The following LRP4 variants were observed in gnomAD, a reference collection of about 807,000 sequenced individuals.
LRP4 encodes low-density lipoprotein receptor-related protein 4.
Under a neutral mutation model 220.3 loss-of-function variants are expected in LRP4, and 95 were observed. The ratio of observed to expected loss-of-function variants is 0.43; its 90% CI spans 0.37 to 0.51. The LOEUF (loss-of-function observed/expected upper bound fraction) is 0.51. LRP4 is among the 20% of genes least tolerant of loss of function. The pLI, the probability that LRP4 is intolerant of heterozygous loss-of-function variation, is 0.00. For synonymous variants in LRP4, 903 were observed against 954.6 expected, an observed-to-expected ratio of 0.95 and a Z score of 1.00; for missense variants, 1,925 against 2,567.0, an observed-to-expected ratio of 0.75 and a Z score of 5.40.
chr11:46,892,507 T>C (rs1475313041), intron 13 of LRP4, among the ~76,000 whole-genome samples: 1 of 151,730 alleles, frequency 6.6e-6, no homozygotes, highest in Non-Finnish European at 1.5e-5. Context: ...CAGCCAGTTA[T>C]TACAGAGCCA....
At chr11:46,866,681 T>G (rs1348437342) in intron 34 of LRP4, among the ~76,000 whole-genome samples, 1 of 152,144 alleles carries the variant, frequency 6.6e-6, no homozygotes. Flanking sequence ...CACTTTGGGA[T>G]GCCTAGGCGG....
chr11:46,862,306 G>C (rs1940578182), intron 37 of LRP4, among the ~76,000 whole-genome samples: 1 of 152,126 alleles, frequency 6.6e-6, no homozygotes, highest in Admixed American at 6.6e-5. Flanking sequence ...GACAGTTCCT[G>C]GAGGGAAAGA....
At position 46,869,541 on chromosome 11, in the gene LRP4, T is replaced by C. The variant is rs1344934659; in HGVS notation, c.4693-409A>G. Among the ~76,000 whole-genome samples the C allele has an allele frequency of 4.6e-5, 7 of 152,216 alleles. No homozygotes were observed. The South Asian group carries it at 1.0e-3, about 23-fold the overall frequency. On this transcript the variant is annotated intron_variant, in intron 31 of 37. Transcript: ENST00000378623. ...CAAATAGGAGGAAATTTGAAGGTTC[T>C]TATAGGTTCCTGTTCCTCTGGGCCC...
Position 46,898,944 on chromosome 11 carries a change from G to C in LRP4, c.636C>G (p.Gly212=). The C allele has an allele frequency of 6.2e-7, 1 of 1,613,822 alleles. No homozygotes were observed. The highest frequency in any genetic ancestry group is 8.5e-7 in the Non-Finnish European group (1 of 1,180,006). The part of the protein sequence containing the change: ...RCILDIYHCD[G]DDDCGDWSDE... The stretch of plus-strand genomic sequence containing the variant: ...CTGACCAGTCTCCACAGTCATCGTC[G>C]CCATCGCAGTGGTAGATGTCGAGGA... Residue 212 remains glycine, a synonymous_variant, in exon 6 of 38, where the codon GGC becomes GGG. Coordinates refer to ENST00000378623, the MANE Select transcript of LRP4 (RefSeq NM_002334.4).
At chr11:46,863,496 G>A (rs940986843) in intron 36 of LRP4, among the ~76,000 whole-genome samples, 1 of 149,198 alleles carries the variant, frequency 6.7e-6, no homozygotes, top group African/African-American at 2.5e-5. Flanking sequence ...TTGGCACTTA[G>A]AGAGGCTGAG....
intron 13 of LRP4, among the ~76,000 whole-genome samples, chr11:46,891,162 G>A (rs1284035534): frequency 2.6e-5 from 4 of 151,938 alleles, no homozygotes; most frequent in African/African-American, 9.7e-5. Context: ...TGCCCAGGCT[G>A]GAATGCAGTG....
intron 28 of LRP4, chr11:46,874,202 G>A (rs1830492081): frequency 6.1e-6 from 1 of 164,178 alleles, no homozygotes; most frequent in Admixed American, 5.6e-5. Flanking sequence ...TCCCTAAACT[G>A]TATATGCCTA....
At chr11:46,892,895 C>T (rs1018773051) in intron 13 of LRP4, 78 bp downstream of exon 13, 5 of 1,548,854 alleles carry the variant, frequency 3.2e-6, no homozygotes, top group African/African-American at 1.4e-5. Flanking sequence ...GATGTACTCC[C>T]AGAATGTCTA....
At chr11:46,896,112 C>A (rs1941524845) in intron 9 of LRP4, 94 bp from the exon 10 acceptor site, 1 of 1,611,186 alleles carries the variant, frequency 6.2e-7, no homozygotes, top group Non-Finnish European at 8.5e-7. Flanking sequence ...GAACAGCTCC[C>A]AAAGCTGCAA....
Position 46,886,528 on chromosome 11 carries a change from CA to C in LRP4, c.2220del (p.Asp741ThrfsTer70). 1 of 1,614,006 alleles carries C rather than the reference CA, an allele frequency of 6.2e-7. No homozygotes were observed. The highest frequency in any genetic ancestry group is 8.5e-7 in the Non-Finnish European group (1 of 1,179,980). ...KISSHACAQSLDKFLLFARRM... is the reference protein window; with the variant it reads ...KISSHACAQSXDKFLLFARRM... ...CTTCGGGCAAAAAGCAGGAACTTGT[CA>C]AGACCTGATCAAAGGCCGAAAGGGG... On this transcript the variant is annotated frameshift_variant, in exon 17 of 38. Coordinates refer to ENST00000378623, the MANE Select transcript of LRP4 (RefSeq NM_002334.4). LOFTEE classifies it high-confidence loss of function.
At chr11:46,894,398 A>C (rs1941481143) in intron 12 of LRP4, among the ~76,000 whole-genome samples, 191 bp downstream of exon 12, 1 of 152,208 alleles carries the variant, frequency 6.6e-6, no homozygotes. Flanking sequence ...ATCATGAGCA[A>C]ATGTTATATT....
In LRP4 at chr11:46,898,555, C is replaced by T. The variant is rs1246478365; in HGVS notation, c.796+3G>A. 2.5e-6 allele frequency: 4 copies of T among 1,614,126 alleles called. No individual in the cohort carries two copies. On this transcript the variant is annotated splice_donor_region_variant and intron_variant, in intron 7 of 37. Transcript: ENST00000378623. ...CCCAACCTAATTCCATTTCCCCACT[C>T]ACTGCAGTTGCGCTCATCAGACTGG...
intron 20 of LRP4, among the ~76,000 whole-genome samples, chr11:46,879,526 T>A (rs193094430): frequency 6.6e-6 from 1 of 152,364 alleles, no homozygotes; most frequent in African/African-American, 2.4e-5. Flanking sequence ...GATGGTTTTA[T>A]TGGAAGATGT....
At position 46,875,414 on chromosome 11, in the gene LRP4, G is replaced by C; in HGVS notation, c.3925+42C>G. ...TCTGATGTTGAGATGGCCCCAGAAA[G>C]CCAGAGGCTCTGACTCACAGCCCCA... On this transcript the variant is annotated intron_variant, in intron 27 of 37. Transcript: ENST00000378623. This position sits in a 1 kb window ranked among gnomAD's most constrained non-coding sequence, Gnocchi z 4.5. 6.4e-7 allele frequency: 1 copy of C among 1,551,510 alleles called. No homozygotes were observed. The highest frequency in any genetic ancestry group is 8.9e-7 in the Non-Finnish European group (1 of 1,124,536).
rs1940939754 is a variant in LRP4, at chr11:46,873,929, A to T, written c.4230-336T>A. 9.2e-6 allele frequency: 3 copies of T among 325,568 alleles called. No homozygotes were observed. Among genetic ancestry groups the T allele is most frequent in the Non-Finnish European group, 1.7e-5 (3 of 178,380 alleles). The allele number at this position is 325,568 out of a possible 1,614,324, so 20.2% of individuals were successfully genotyped here. A position where few individuals can be genotyped will look rare whatever the true frequency, so the allele number is the denominator to read the frequency against. On this transcript the variant is annotated intron_variant, in intron 28 of 37. Coordinates refer to ENST00000378623, the MANE Select transcript of LRP4 (RefSeq NM_002334.4). This position sits in a 1 kb window ranked among gnomAD's most constrained non-coding sequence, Gnocchi z 4.2. ...GCTAGGTGGTGATGATAAGAAACGCAGATTTGTCAAAACCAACCTGTGCAT... is the reference window on the plus strand; with the variant it reads ...GCTAGGTGGTGATGATAAGAAACGCTGATTTGTCAAAACCAACCTGTGCAT...
intron 2 of LRP4, among the ~76,000 whole-genome samples, chr11:46,901,206 T>G (rs1941658762): frequency 6.6e-6 from 1 of 152,142 alleles, no homozygotes; most frequent in African/African-American, 2.4e-5. Context: ...GTAATTGTGG[T>G]GAGGGGTTCA....
At chr11:46,869,546 G>A (rs1028540994) in intron 31 of LRP4, among the ~76,000 whole-genome samples, 1 of 152,164 alleles carries the variant, frequency 6.6e-6, no homozygotes, top group Non-Finnish European at 1.5e-5. Context: ...GGTTCTTATA[G>A]GTTCCTGTTC....
At chr11:46,876,348 A>AG (rs1941014838) in intron 25 of LRP4, 118 bp downstream of exon 25, 3 of 1,164,740 alleles carry the variant, frequency 2.6e-6, no homozygotes, top group Admixed American at 1.7e-5. Flanking sequence ...GAAGAGCCCC[A>AG]GGGAGGTCAC....
At chr11:46,871,014 A>G (rs1420369016) in intron 31 of LRP4, among the ~76,000 whole-genome samples, 1 of 152,204 alleles carries the variant, frequency 6.6e-6, no homozygotes, top group African/African-American at 2.4e-5. Flanking sequence ...TACAGATAGA[A>G]CTTGAATCCA....
Sources: gnomAD v4.1 joint callset for allele counts (sites outside exome capture counted in the v4.1 genomes callset) on GRCh38, gnomAD v4.1.1 for gene constraint, Gnocchi (gnomAD v3.1) non-coding constraint, MANE v1.5 for transcripts, NCBI Gene and HGNC (gene_info 2026-07-23, HGNC 2026-07-21) for gene names.